The following METTL21A variants were observed in gnomAD, a reference collection of about 807,000 sequenced individuals.
METTL21A encodes the protein protein N-lysine methyltransferase METTL21A.
METTL21A carries 22 observed loss-of-function variants against 20.9 expected under a neutral mutation model. That is an observed-to-expected ratio of 1.05 (90% CI 0.75 to 1.50). METTL21A has a LOEUF of 1.50. Among genes scored for constraint, METTL21A ranks in the 40% most tolerant of loss-of-function variants. METTL21A has a pLI of 0.00. For synonymous variants in METTL21A, 93 were observed against 102.0 expected, an observed-to-expected ratio of 0.91 and a Z score of 0.53; for missense variants, 271 against 266.8, an observed-to-expected ratio of 1.02 and a Z score of -0.11.
At chr2:207,616,475 G>C (rs953094962) in intron 3 of METTL21A, among the ~76,000 whole-genome samples, 3 of 152,214 alleles carry the variant, frequency 2.0e-5, no homozygotes, top group Admixed American at 6.5e-5. Flanking sequence ...ACTACCATCA[G>C]CCATGGAACA....
downstream of METTL21A, chr2:207,609,232 T>TA: frequency 6.6e-6 from 1 of 152,252 alleles, no homozygotes; most frequent in African/African-American, 2.4e-5. Flanking sequence ...GTCCTGTTTT[T>TA]AAGATTTTAT....
At chr2:207,580,743 G>A (rs945638743), downstream of METTL21A, 6 of 224,354 alleles carry the variant, frequency 2.7e-5, no homozygotes, top group Admixed American at 2.3e-4. Flanking sequence ...TAACAACCAC[G>A]AATCTCAGTG....
At chr2:207,592,911 C>CAAAAAAGGAAAAAAAAAAAGAA (rs1553509950) in intron 3 of METTL21A, among the ~76,000 whole-genome samples, 1 of 145,122 alleles carries the variant, frequency 6.9e-6, no homozygotes, top group Non-Finnish European at 1.5e-5. Flanking sequence ...GACTCCATCT[C>CAAAAAAGGAAAAAAAAAAAGAA]AAAAAAGAAA....
At chr2:207,587,846 C>A (rs772980382) in intron 3 of METTL21A, among the ~76,000 whole-genome samples, 5 of 152,146 alleles carry the variant, frequency 3.3e-5, no homozygotes, top group Admixed American at 1.3e-4. Flanking sequence ...CACAAACTTA[C>A]ATCTAGGTTG....
intron 3 of METTL21A, among the ~76,000 whole-genome samples, chr2:207,585,768 TAAA>T (rs1320970183): frequency 3.3e-5 from 5 of 152,032 alleles, no homozygotes; most frequent in Admixed American, 1.3e-4. Flanking sequence ...ATTTAATAAA[TAAA>T]AAACAGTCGA....
At chr2:207,625,014 G>T (rs2090964033) in intron 1 of METTL21A, 48 bp downstream of exon 1, 1 of 152,336 alleles carries the variant, frequency 6.6e-6, no homozygotes, top group Non-Finnish European at 1.5e-5. Context: ...GGGACAGCGG[G>T]GACTCGGAGG....
chr2:207,594,407 C>T (rs2085716717), intron 3 of METTL21A, among the ~76,000 whole-genome samples: 1 of 152,142 alleles, frequency 6.6e-6, no homozygotes, highest in African/African-American at 2.4e-5. Context: ...CCCCTGGCAG[C>T]CACTAATGTA....
At chr2:207,608,238 T>C (rs149733707), downstream of METTL21A, among the ~76,000 whole-genome samples, 214 of 152,270 alleles carry the variant, frequency 1.4e-3, 2 homozygotes, top group African/African-American at 4.8e-3. Context: ...TTTCCCAGTC[T>C]GTCTTCTTTC....
chr2:207,621,282 T>C (rs1029310186), intron 3 of METTL21A, among the ~76,000 whole-genome samples: 3 of 152,236 alleles, frequency 2.0e-5, no homozygotes, highest in African/African-American at 4.8e-5. Flanking sequence ...GTCAGAACTG[T>C]ATACTGTTCA....
At chr2:207,603,223 A>G (rs947824134) in intron 3 of METTL21A, 1 of 218,388 alleles carries the variant, frequency 4.6e-6, no homozygotes, top group Non-Finnish European at 9.2e-6. Context: ...ACTGAGTTAC[A>G]ATGCATTTTA....
intron 3 of METTL21A, among the ~76,000 whole-genome samples, chr2:207,583,575 C>T (rs1559060636): frequency 6.6e-6 from 1 of 152,202 alleles, no homozygotes; most frequent in Non-Finnish European, 1.5e-5. Context: ...CTGCTCCTTT[C>T]TCCACCCCTT....
At chr2:207,600,269 A>G (rs2086832718) in intron 3 of METTL21A, 1 of 167,464 alleles carries the variant, frequency 6.0e-6, no homozygotes, top group Non-Finnish European at 1.3e-5. Flanking sequence ...ATATACATAC[A>G]GTATATAATC....
At chr2:207,622,283 C>T (rs189894138) in intron 2 of METTL21A, among the ~76,000 whole-genome samples, 3 of 151,922 alleles carry the variant, frequency 2.0e-5, no homozygotes, top group Admixed American at 2.0e-4. Context: ...ATTCTCCCAC[C>T]TCAGCACCCC....
downstream of METTL21A, among the ~76,000 whole-genome samples, chr2:207,607,096 ACAGAATATAAGGTCGG>A (rs1414532940): frequency 6.6e-6 from 1 of 152,122 alleles, no homozygotes; most frequent in Non-Finnish European, 1.5e-5. Flanking sequence ...CACTTGAAAT[ACAGAATATAAGGTCGG>A]GCCTGGTGGC....
At chr2:207,588,820 T>G (rs2084398716) in intron 3 of METTL21A, among the ~76,000 whole-genome samples, 1 of 149,220 alleles carries the variant, frequency 6.7e-6, no homozygotes, top group Admixed American at 6.7e-5. Context: ...GAAATAAAAT[T>G]GGCTTCTGTA....
chr2:207,605,058 G>T (rs971667137), downstream of METTL21A, among the ~76,000 whole-genome samples: 7 of 152,150 alleles, frequency 4.6e-5, no homozygotes, highest in African/African-American at 1.7e-4. Context: ...ATTTGAGTCC[G>T]TGTTTTCAAT....
chr2:207,599,290 A>G (rs1402708836), intron 3 of METTL21A: 3 of 206,862 alleles, frequency 1.5e-5, no homozygotes, highest in African/African-American at 2.3e-5. Context: ...GAAATCAAGC[A>G]AAGTCACAAA....
At chr2:207,603,073 T>G (rs1045790) in intron 3 of METTL21A, 3,203 of 211,648 alleles carry the variant, frequency 0.015, 39 homozygotes, top group Non-Finnish European at 0.021. Context: ...CTCTGATGTT[T>G]CTATTGGAGT....
intron 3 of METTL21A, among the ~76,000 whole-genome samples, chr2:207,588,980 C>T (rs1210552936): frequency 6.6e-6 from 1 of 151,840 alleles, no homozygotes. Flanking sequence ...ATCTGCATGC[C>T]TTTTAATTTT....
Sources: allele counts gnomAD v4.1 joint callset (sites outside exome capture counted in the v4.1 genomes callset), GRCh38; gene constraint gnomAD v4.1.1; transcripts MANE v1.5; gene names NCBI Gene and HGNC (gene_info 2026-07-23, HGNC 2026-07-21).